Variants in CSMD1 observed in about 807,000 individuals in gnomAD.
The protein encoded by CSMD1 is CUB and sushi domain-containing protein 1.
In CSMD1, 213 loss-of-function variants were observed where a neutral mutation model predicts 417.5. That is an observed-to-expected ratio of 0.51 (90% CI 0.46 to 0.57). CSMD1 has a LOEUF of 0.57. CSMD1 is among the 20% of genes least tolerant of loss of function. CSMD1 has a pLI of 0.00. For missense variants in CSMD1, 6,923 were observed against 4,529.7 expected (o/e 1.53, Z -15.17); for synonymous variants, 2,862 against 1,736.8 (o/e 1.65, Z -16.11).
chr8:4,123,701 T>A (rs147536125), intron 3 of CSMD1, among the ~76,000 whole-genome samples: 4 of 152,352 alleles, frequency 2.6e-5, no homozygotes, highest in Non-Finnish European at 5.9e-5. Context: ...TATGGTTTTA[T>A]CACATTTGGA....
chr8:4,598,992 A>G (rs1313502900), intron 2 of CSMD1, among the ~76,000 whole-genome samples: 1 of 152,224 alleles, frequency 6.6e-6, no homozygotes, highest in African/African-American at 2.4e-5. Flanking sequence ...AGTTACGTGT[A>G]CCAGAAAAAT....
At chr8:2,963,536 C>T in intron 59 of CSMD1, 141 bp from the exon 60 acceptor site, 1 of 791,536 alleles carries the variant, frequency 1.3e-6, no homozygotes, top group East Asian at 2.6e-5. Context: ...AAAGAATTGC[C>T]AAGGAAGACA....
chr8:3,008,421 C>A (rs114234661), intron 52 of CSMD1, among the ~76,000 whole-genome samples: 1 of 152,212 alleles, frequency 6.6e-6, no homozygotes, highest in East Asian at 1.9e-4. Flanking sequence ...GAATTCAACA[C>A]GGGAGAGCAG....
At position 4,419,279 on chromosome 8, in the gene CSMD1, G is replaced by C. The variant is rs188478911; in HGVS notation, c.415+674C>G. ...TTTAAAATCTCCATCCAAAACAAAA[G>C]TAGACACACATCGGCCTTTAAAGTA... On this transcript the variant is annotated intron_variant, in intron 3 of 69. Coordinates refer to ENST00000635120, the MANE Select transcript of CSMD1 (RefSeq NM_033225.6). Among the ~76,000 whole-genome samples the C allele has an allele frequency of 3.1e-3, 477 of 152,184 alleles. 4 individuals are homozygous for C. The highest frequency in any genetic ancestry group is 0.011 in the African/African-American group (447 of 41,522).
intron 2 of CSMD1, among the ~76,000 whole-genome samples, chr8:4,559,085 C>T (rs991265195): frequency 6.6e-6 from 1 of 152,116 alleles, no homozygotes; most frequent in Non-Finnish European, 1.5e-5. Flanking sequence ...ACAGTGAAAA[C>T]TCTGCTGCTG....
At chr8:3,262,828 T>C (rs1183491350) in intron 26 of CSMD1, among the ~76,000 whole-genome samples, 2 of 152,206 alleles carry the variant, frequency 1.3e-5, no homozygotes, top group East Asian at 1.9e-4. Flanking sequence ...GTAAATGAAT[T>C]CTACAATCTA....
intron 69 of CSMD1, among the ~76,000 whole-genome samples, chr8:2,939,142 A>T (rs560219527): frequency 6.6e-6 from 1 of 152,254 alleles, no homozygotes; most frequent in Admixed American, 6.5e-5. Context: ...CCCCAGGGAA[A>T]TCGGGAAGGT....
At chr8:4,364,303 G>A (rs955265818) in intron 3 of CSMD1, among the ~76,000 whole-genome samples, 1 of 152,104 alleles carries the variant, frequency 6.6e-6, no homozygotes, top group Non-Finnish European at 1.5e-5. Flanking sequence ...GGAACATTAA[G>A]GTCCTCTTGA....
intron 3 of CSMD1, among the ~76,000 whole-genome samples, chr8:4,077,616 T>C (rs1002675384): frequency 8.5e-5 from 13 of 152,098 alleles, no homozygotes; most frequent in African/African-American, 3.1e-4. Flanking sequence ...CTGCTGGTCA[T>C]TCAAGGTCAG....
At position 4,148,829 on chromosome 8, in the gene CSMD1, C is replaced by A. The variant is rs75399342; in HGVS notation, c.416-116730G>T. Among the ~76,000 whole-genome samples, 153 of 152,322 alleles carry A rather than the reference C, an allele frequency of 1.0e-3. 2 individuals are homozygous for A. The East Asian group carries it at 0.025, about 25-fold the overall frequency. ...GGATGTCATGATTCAGTCCCTCATG[C>A]TGCCTTTGGCTTGTGTCCTGGGAAA... On this transcript the variant is annotated intron_variant, in intron 3 of 69. Transcript: ENST00000635120.
intron 5 of CSMD1, among the ~76,000 whole-genome samples, chr8:3,783,840 T>C (rs1037307117): frequency 1.5e-4 from 23 of 152,158 alleles, no homozygotes; most frequent in African/African-American, 5.5e-4. Flanking sequence ...CCAATTAATA[T>C]TGATGGATGA....
At chr8:3,913,303 G>T (rs781447523) in intron 5 of CSMD1, among the ~76,000 whole-genome samples, 1 of 152,064 alleles carries the variant, frequency 6.6e-6, no homozygotes, top group Admixed American at 6.5e-5. Context: ...ATCCTGTGAG[G>T]ACCATCGACC....
At chr8:3,371,992 T>G (rs536147592) in intron 18 of CSMD1, among the ~76,000 whole-genome samples, 4 of 152,296 alleles carry the variant, frequency 2.6e-5, no homozygotes, top group South Asian at 4.1e-4. Flanking sequence ...ATAAGAGAGA[T>G]AAAATATCTG....
At chr8:3,971,509 C>G (rs147821285) in intron 5 of CSMD1, among the ~76,000 whole-genome samples, 2 of 152,116 alleles carry the variant, frequency 1.3e-5, no homozygotes, top group African/African-American at 4.8e-5. Flanking sequence ...TCAGAACTCC[C>G]GAATCTATGA....
At chr8:3,117,789 G>C (rs1370809757) in intron 42 of CSMD1, among the ~76,000 whole-genome samples, 1 of 152,140 alleles carries the variant, frequency 6.6e-6, no homozygotes, top group Non-Finnish European at 1.5e-5. Context: ...CCTCTCCGTA[G>C]AGCCCCTCTT....
At chr8:3,908,546 A>C (rs1024621885) in intron 5 of CSMD1, among the ~76,000 whole-genome samples, 1 of 152,114 alleles carries the variant, frequency 6.6e-6, no homozygotes, top group Non-Finnish European at 1.5e-5. Context: ...TAAGGGAAAC[A>C]CTTTTGTAGC....
intron 23 of CSMD1, among the ~76,000 whole-genome samples, chr8:3,315,460 G>GTGTGTGTGTGTGTGTGTGTGTGTGTGTT (rs370216684): frequency 1.3e-4 from 19 of 151,470 alleles, no homozygotes; most frequent in Admixed American, 2.0e-4. Flanking sequence ...GTGTGTGTGT[G>GTGTGTGTGTGTGTGTGTGTGTGTGTGTT]TGATTTTTAA....
intron 3 of CSMD1, among the ~76,000 whole-genome samples, chr8:4,210,372 A>C (rs1800234029): frequency 6.6e-6 from 1 of 152,186 alleles, no homozygotes; most frequent in South Asian, 2.1e-4. Context: ...AGACATTCAA[A>C]TCCAACTTTT....
chr8:3,241,920 T>G (rs987115880), intron 26 of CSMD1, among the ~76,000 whole-genome samples: 2 of 150,868 alleles, frequency 1.3e-5, no homozygotes, highest in Non-Finnish European at 3.0e-5. Context: ...GGAGTTTTAT[T>G]TAATGCCGGG....
Sources: allele counts gnomAD v4.1 joint callset (sites outside exome capture counted in the v4.1 genomes callset), GRCh38; gene constraint gnomAD v4.1.1; transcripts MANE v1.5; gene names NCBI Gene and HGNC (gene_info 2026-07-23, HGNC 2026-07-21).